SLC36A1: variants seen among roughly 807,000 people sequenced by gnomAD.
SLC36A1 encodes solute carrier family 36 member 1.
In SLC36A1, 30 loss-of-function variants were observed where a neutral mutation model predicts 47.5. That is an observed-to-expected ratio of 0.63 (90% CI 0.47 to 0.86). The LOEUF (loss-of-function observed/expected upper bound fraction) is 0.86. Among genes scored for constraint, SLC36A1 ranks in the 40% least tolerant of loss-of-function variants. SLC36A1 has a pLI of 0.00. For missense variants in SLC36A1, 517 were observed against 606.0 expected (o/e 0.85, Z 1.54); for synonymous variants, 255 against 249.7 (o/e 1.02, Z -0.20).
upstream of SLC36A1, among the ~76,000 whole-genome samples, chr5:151,445,658 A>G (rs891327642): frequency 3.9e-5 from 6 of 152,140 alleles, no homozygotes; most frequent in Non-Finnish European, 2.9e-5. Flanking sequence ...CTCATCTTCA[A>G]TCTCTTTATT....
At chr5:151,380,145 A>G in the SLC36A1 span, among the ~76,000 whole-genome samples, 1 of 152,232 alleles carries the variant, frequency 6.6e-6, no homozygotes, top group Admixed American at 6.5e-5. Flanking sequence ...AGACAAGAAG[A>G]CACAGATTAC....
At chr5:151,378,562 C>A in the SLC36A1 span, 1 of 216,098 alleles carries the variant, frequency 4.6e-6, no homozygotes, top group South Asian at 8.4e-5. Context: ...CATTTAATCC[C>A]TGTCGAGTCA....
the SLC36A1 span, among the ~76,000 whole-genome samples, chr5:151,405,837 C>G: frequency 1.3e-5 from 2 of 152,270 alleles, no homozygotes; most frequent in South Asian, 4.1e-4. Context: ...GGCCAAGACT[C>G]TGTTTGGCTT....
chr5:151,507,146 A>T, the SLC36A1 span: 2 of 1,569,054 alleles, frequency 1.3e-6, no homozygotes, highest in Admixed American at 3.5e-5. Flanking sequence ...GTCTCTGGCT[A>T]TACTGACCCA....
At chr5:151,479,863 T>A in intron 10 of SLC36A1, 1 of 526,642 alleles carries the variant, frequency 1.9e-6, no homozygotes, top group South Asian at 3.2e-5. Flanking sequence ...GGGTACTTAT[T>A]TGCTTTTTCA....
At chr5:151,364,955 T>TAAAG in the SLC36A1 span, among the ~76,000 whole-genome samples, 1 of 152,156 alleles carries the variant, frequency 6.6e-6, no homozygotes, top group Non-Finnish European at 1.5e-5. Flanking sequence ...TATCACTGAT[T>TAAAG]AAAGTCCAAG....
At chr5:151,551,565 C>T in the SLC36A1 span, 12 of 1,614,076 alleles carry the variant, frequency 7.4e-6, no homozygotes, top group African/African-American at 5.3e-5. Context: ...ACGATGCTGC[C>T]TGTGGTCTTC....
chr5:151,460,603 A>G (rs1231074811), intron 2 of SLC36A1, among the ~76,000 whole-genome samples: 1 of 152,094 alleles, frequency 6.6e-6, no homozygotes, highest in Non-Finnish European at 1.5e-5. Context: ...CAGGTGGTAC[A>G]AGATAAAGTA....
At chr5:151,544,303 A>G in the SLC36A1 span, 1 of 1,614,218 alleles carries the variant, frequency 6.2e-7, no homozygotes, top group Non-Finnish European at 8.5e-7. Context: ...GGTATAGACC[A>G]ATTGGGAAAA....
the SLC36A1 span, chr5:151,545,509 G>A: frequency 3.1e-6 from 5 of 1,614,046 alleles, no homozygotes; most frequent in Non-Finnish European, 4.2e-6. Context: ...TATCTGTTCT[G>A]AGAATCTGGG....
chr5:151,531,221 C>G, the SLC36A1 span, among the ~76,000 whole-genome samples: 1 of 152,134 alleles, frequency 6.6e-6, no homozygotes, highest in South Asian at 2.1e-4. This position sits in a 1 kb window ranked among gnomAD's most constrained non-coding sequence, Gnocchi z 5.7. Flanking sequence ...TGCTTAAGCC[C>G]CAGATTCCAG....
the SLC36A1 span, among the ~76,000 whole-genome samples, chr5:151,404,516 G>A: frequency 6.6e-6 from 1 of 152,142 alleles, no homozygotes. Flanking sequence ...TGTGGGCGAT[G>A]TAGTTAAGTG....
chr5:151,532,245 T>C, the SLC36A1 span, among the ~76,000 whole-genome samples: 1 of 152,206 alleles, frequency 6.6e-6, no homozygotes, highest in Non-Finnish European at 1.5e-5. Flanking sequence ...CTAATATCAG[T>C]TTATTAATGA....
intron 9 of SLC36A1, 135 bp from the exon 10 acceptor site, chr5:151,479,185 T>C (rs1758478951): frequency 1.2e-6 from 1 of 823,326 alleles, no homozygotes; most frequent in Admixed American, 2.4e-5. Context: ...GACATGAAAT[T>C]GCTGGGTCCG....
chr5:151,517,122 G>C, the SLC36A1 span, among the ~76,000 whole-genome samples: 13 of 148,816 alleles, frequency 8.7e-5, no homozygotes, highest in African/African-American at 3.2e-4. Flanking sequence ...AAAAAAAAAA[G>C]AAAAAAGAAA....
At chr5:151,546,330 G>C in the SLC36A1 span, 1 of 1,610,334 alleles carries the variant, frequency 6.2e-7, no homozygotes, top group Non-Finnish European at 8.5e-7. Context: ...AGAAACCTTC[G>C]CTGTTCCCTG....
chr5:151,430,474 C>A, the SLC36A1 span, among the ~76,000 whole-genome samples: 1 of 152,048 alleles, frequency 6.6e-6, no homozygotes, highest in African/African-American at 2.4e-5. Flanking sequence ...AGGTGCCCGC[C>A]ACCATGCCTG....
At chr5:151,550,831 G>A in the SLC36A1 span, 1 of 1,613,510 alleles carries the variant, frequency 6.2e-7, no homozygotes, top group African/African-American at 1.3e-5. Context: ...CAGAAACTGG[G>A]GCCGATGGTG....
At chr5:151,429,117 G>A in the SLC36A1 span, among the ~76,000 whole-genome samples, 22,026 of 152,084 alleles carry the variant, frequency 0.14, 2,114 homozygotes, top group East Asian at 0.38. Context: ...TATCCCTATG[G>A]CCTCATTTCA....
Sources: allele counts gnomAD v4.1 joint callset (sites outside exome capture counted in the v4.1 genomes callset), GRCh38; gene constraint gnomAD v4.1.1; non-coding constraint Gnocchi (gnomAD v3.1); transcripts MANE v1.5; gene names NCBI Gene and HGNC (gene_info 2026-07-23, HGNC 2026-07-21).